PTPN3: variants seen among roughly 807,000 people sequenced by gnomAD.
The protein encoded by PTPN3 is protein tyrosine phosphatase non-receptor type 3, also known as tyrosine-protein phosphatase non-receptor type 3.
Under a neutral mutation model 132.7 loss-of-function variants are expected in PTPN3, and 96 were observed. The ratio of observed to expected loss-of-function variants is 0.72; its 90% CI spans 0.61 to 0.86. PTPN3 has a LOEUF of 0.86. Among genes scored for constraint, PTPN3 ranks in the 40% least tolerant of loss-of-function variants. The probability of loss-of-function intolerance (pLI) is 0.00; values close to 1 mark genes in which losing one functional copy is unlikely to be tolerated. For synonymous variants in PTPN3, 398 were observed against 429.0 expected (o/e 0.93, Z 0.89); for missense variants, 1,125 against 1,159.6 (o/e 0.97, Z 0.43).
chr9:109,463,436 A>T lies in PTPN3; in HGVS notation c.-2T>A. The T allele has an allele frequency of 1.2e-6, 2 of 1,604,764 alleles. No homozygotes were observed. The highest frequency in any genetic ancestry group is 1.7e-6 in the Non-Finnish European group (2 of 1,177,610). ...CAACGCACGTAACCGGGAGGTCATAACTATCGCTGAATAACCTGTAACATA... is the reference window on the plus strand; with the variant it reads ...CAACGCACGTAACCGGGAGGTCATATCTATCGCTGAATAACCTGTAACATA... On this transcript the variant is annotated 5_prime_UTR_variant, in exon 2 of 26. Coordinates refer to ENST00000374541, the MANE Select transcript of PTPN3 (RefSeq NM_002829.4).
intron 10 of PTPN3, among the ~76,000 whole-genome samples, chr9:109,429,503 A>C (rs2131887502): frequency 6.6e-6 from 1 of 152,346 alleles, no homozygotes; most frequent in East Asian, 1.9e-4. Flanking sequence ...TGTTCCTTTA[A>C]TTAAAAACAT....
intron 1 of PTPN3, among the ~76,000 whole-genome samples, chr9:109,480,895 A>AATGGATGGATGGATGG (rs199785673): frequency 6.6e-6 from 1 of 151,694 alleles, no homozygotes; most frequent in Non-Finnish European, 1.5e-5. Context: ...CTGTGGGATG[A>AATGGATGGATGGATGG]ATGGATGGAT....
chr9:109,421,202 A>G (rs1158635046), intron 13 of PTPN3, among the ~76,000 whole-genome samples: 3 of 152,232 alleles, frequency 2.0e-5, no homozygotes, highest in Non-Finnish European at 2.9e-5. Context: ...TGGGCAAGGC[A>G]CGTCACCTCT....
chr9:109,416,428 TTTTGTTTTTTGTTTTTTTGTTTC>T (rs1187223458), intron 14 of PTPN3, among the ~76,000 whole-genome samples: 2 of 149,976 alleles, frequency 1.3e-5, no homozygotes, highest in East Asian at 2.1e-4. Context: ...AACAGAAGTT[TTTTGTTTTTTGTTTTTTTGTTTC>T]TTTTTTTTTT....
intron 1 of PTPN3, among the ~76,000 whole-genome samples, chr9:109,487,023 C>T (rs932643595): frequency 6.6e-6 from 1 of 152,188 alleles, no homozygotes; most frequent in African/African-American, 2.4e-5. Context: ...ATAAATAACG[C>T]AGTCTTGGGT....
chr9:109,500,171 A>G (rs1219890030), upstream of PTPN3, among the ~76,000 whole-genome samples: 2 of 152,260 alleles, frequency 1.3e-5, no homozygotes, highest in Non-Finnish European at 2.9e-5. Flanking sequence ...GAACGTGTTT[A>G]GACCACCTTA....
At position 109,489,124 on chromosome 9, in the gene PTPN3, T is replaced by G. The variant is rs1847343534; in HGVS notation, c.-18+9095A>C. On this transcript the variant is annotated intron_variant, in intron 1 of 25. Transcript: ENST00000374541. Reference sequence around the variant, plus strand: ...GCTCTTAAATTCTATTAGAAATTGGTCAGTGGGAAGCACAGCTGGCTTGTT... The same window carrying G: ...GCTCTTAAATTCTATTAGAAATTGGGCAGTGGGAAGCACAGCTGGCTTGTT... Among the ~76,000 whole-genome samples the G allele has an allele frequency of 3.3e-5, 5 of 152,210 alleles. No homozygotes were observed. The South Asian group carries it at 1.0e-3, about 32-fold the overall frequency.
rs1418526088 is a variant in PTPN3 at position 109,498,284 on chromosome 9, C to G, written c.-83G>C. On this transcript the variant is annotated 5_prime_UTR_variant, in exon 1 of 26. Coordinates refer to ENST00000374541, the MANE Select transcript of PTPN3 (RefSeq NM_002829.4). The surrounding 1 kb of genome is among the most constrained non-coding windows in gnomAD (Gnocchi z 4.2). ...CGTGCGGGCGGCGCGGAAGCTCGCT[C>G]GCGGCGCGACCTGGCCGCCGTCTGA... is the stretch of plus-strand genomic sequence containing the variant. The G allele has an allele frequency of 2.7e-5, 4 of 146,350 alleles. No homozygotes were observed. The highest frequency in any genetic ancestry group is 9.8e-5 in the African/African-American group (4 of 40,826). 9.1% of individuals were successfully genotyped at this position (146,350 alleles called of 1,614,324 possible). A position where few individuals can be genotyped will look rare whatever the true frequency, so the allele number is the denominator to read the frequency against.
At chr9:109,452,459 A>T (rs893655371) in intron 5 of PTPN3, among the ~76,000 whole-genome samples, 2 of 152,098 alleles carry the variant, frequency 1.3e-5, no homozygotes, top group Non-Finnish European at 2.9e-5. Flanking sequence ...ACACGTACAC[A>T]TGTACATACA....
chr9:109,396,758 TGGGAGCAGATGCTC>T (rs2131670541), intron 19 of PTPN3, among the ~76,000 whole-genome samples: 1 of 152,294 alleles, frequency 6.6e-6, no homozygotes, highest in South Asian at 2.1e-4. Context: ...ATTTGAATGG[TGGGAGCAGATGCTC>T]TCCAATGTGG....
At chr9:109,408,086 C>T (rs567473548) in intron 17 of PTPN3, among the ~76,000 whole-genome samples, 1 of 152,284 alleles carries the variant, frequency 6.6e-6, no homozygotes, top group East Asian at 1.9e-4. Context: ...GATTCCGGTT[C>T]AGCAGGCCTA....
In PTPN3 at chr9:109,410,379, C is replaced by A; in HGVS notation, c.1350G>T (p.Leu450=). 1 of 1,614,120 alleles carries A rather than the reference C, an allele frequency of 6.2e-7. No homozygotes were observed. Among genetic ancestry groups the A allele is most frequent in the South Asian group, 1.1e-5 (1 of 91,046 alleles). ...ACACAGAACTGGATGACTTCTGGGTCAGGTAGCTTTGTGCCGGATTGTTCT... is the reference window on the plus strand; with the variant it reads ...ACACAGAACTGGATGACTTCTGGGTAAGGTAGCTTTGTGCCGGATTGTTCT... The part of the protein sequence containing the change: ...LSENNPAQSY[L]TQKSSSSVSP... Residue 450 remains leucine, a synonymous_variant, in exon 15 of 26, where the codon CTG becomes CTT. Coordinates refer to ENST00000374541, the MANE Select transcript of PTPN3 (RefSeq NM_002829.4).
intron 6 of PTPN3, among the ~76,000 whole-genome samples, chr9:109,445,566 C>T (rs1844795730): frequency 6.6e-6 from 1 of 152,042 alleles, no homozygotes; most frequent in Admixed American, 6.6e-5. Context: ...AGTGTTTTGG[C>T]TGCTCAAGAA....
Position 109,408,781 on chromosome 9 carries a change from TAAAAAAA to T in PTPN3, c.1579-411_1579-405del, listed in dbSNP as rs768982568. Among the ~76,000 whole-genome samples, 38 of 62,106 alleles carry T rather than the reference TAAAAAAA, an allele frequency of 6.1e-4. 1 individual carries two copies. Among genetic ancestry groups the T allele is most frequent in the South Asian group, 1.1e-3 (2 of 1,830 alleles). The allele number at this position is 62,106 out of a possible 152,430, so 40.7% of individuals were successfully genotyped here. On this transcript the variant is annotated intron_variant, in intron 16 of 25. Coordinates refer to ENST00000374541, the MANE Select transcript of PTPN3 (RefSeq NM_002829.4). ...CATGTACCCTAGAACTTATAATAAT[TAAAAAAA>T]AAAAAAAAATATATATATATATATA...
At chr9:109,412,942 ATT>A (rs34903384) in intron 14 of PTPN3, among the ~76,000 whole-genome samples, 81 of 140,012 alleles carry the variant, frequency 5.8e-4, no homozygotes, top group African/African-American at 1.8e-3. Flanking sequence ...GCCCTAACCT[ATT>A]TTTTTTTTTT....
chr9:109,464,431 T>C (rs1042395605), intron 1 of PTPN3, among the ~76,000 whole-genome samples: 7 of 152,160 alleles, frequency 4.6e-5, no homozygotes, highest in East Asian at 1.9e-4. Context: ...AGGGTGAGGA[T>C]TGCAAAACTA....
At chr9:109,438,288 G>A in intron 7 of PTPN3, 54 bp from the exon 8 acceptor site, 3 of 1,558,056 alleles carry the variant, frequency 1.9e-6, no homozygotes, top group Non-Finnish European at 2.6e-6. Flanking sequence ...TTTTAATATG[G>A]TTTGCATTTA....
In PTPN3 at chr9:109,476,086, TA is replaced by T. The variant is rs531280604; in HGVS notation, c.-17-12636del. Among the ~76,000 whole-genome samples the T allele has an allele frequency of 1.2e-4, 18 of 152,322 alleles. No individual in the cohort carries two copies. In the East Asian group the frequency reaches 3.1e-3, roughly 26 times the overall value. On this transcript the variant is annotated intron_variant, in intron 1 of 25. Transcript: ENST00000374541. ...AGCCCTCTAAAGCTTTTTCCAGCTT[TA>T]AAATCCTCTGCCTGTAAGGTTTTAA...
At chr9:109,427,271 G>T (rs2131875687) in intron 11 of PTPN3, 149 bp from the exon 12 acceptor site, 2 of 765,002 alleles carry the variant, frequency 2.6e-6, no homozygotes, top group South Asian at 1.8e-5. Flanking sequence ...CAGTGTACCG[G>T]AATATTCAAG....
Sources: allele counts gnomAD v4.1 joint callset (sites outside exome capture counted in the v4.1 genomes callset), GRCh38; gene constraint gnomAD v4.1.1; non-coding constraint Gnocchi (gnomAD v3.1); transcripts MANE v1.5; gene names NCBI Gene and HGNC (gene_info 2026-07-23, HGNC 2026-07-21).